The following NT5DC2 variants were observed in gnomAD, a reference collection of about 807,000 sequenced individuals.
The protein encoded by NT5DC2 is 5'-nucleotidase domain-containing protein 2.
In NT5DC2, 41 loss-of-function variants were observed where a neutral mutation model predicts 70.0. The observed-to-expected ratio is 0.59, with a 90% CI of 0.46 to 0.76. The LOEUF is 0.76. Among genes scored for constraint, NT5DC2 ranks in the 30% least tolerant of loss-of-function variants. The pLI, the probability that NT5DC2 is intolerant of heterozygous loss-of-function variation, is 0.00. For missense variants in NT5DC2, 705 were observed against 783.2 expected, an observed-to-expected ratio of 0.90 and a Z score of 1.19; for synonymous variants, 299 against 310.4, an observed-to-expected ratio of 0.96 and a Z score of 0.39.
At chr3:52,535,022 C>T (rs192847778), upstream of NT5DC2, 1 of 245,150 alleles carries the variant, frequency 4.1e-6, no homozygotes, top group East Asian at 1.3e-4. Context: ...TCAAAACCTC[C>T]TGTAGAAACG....
In NT5DC2 at chr3:52,527,834, G is replaced by A. The variant is rs753763083; in HGVS notation, c.930C>T (p.Ser310=). The A allele has an allele frequency of 6.2e-7, 1 of 1,613,210 alleles. No homozygotes were observed. Among genetic ancestry groups the A allele is most frequent in the African/African-American group, 1.3e-5 (1 of 74,942 alleles). ...QLFLITNSPF[S]FVDKGMRHMV... The stretch of plus-strand genomic sequence containing the variant: ...TCCACAGGGGCTGGACTCACACGAA[G>A]CTGAAAGGACTGTTGGTGATGAGGA... The change falls in exon 8 of 14, where the codon AGC becomes AGT. Residue 310 remains serine (S), a synonymous_variant. Transcript: ENST00000422318.
rs372278047 is a variant in NT5DC2 at position 52,529,009 on chromosome 3, G to A, written c.418-74C>T. 3.1e-6 allele frequency: 5 copies of A among 1,592,530 alleles called. No homozygotes were observed. The Admixed American group carries it at 6.7e-5, about 21-fold the overall frequency. On this transcript the variant is annotated intron_variant, in intron 2 of 13. Transcript: ENST00000422318. This position sits in a 1 kb window ranked among gnomAD's most constrained non-coding sequence, Gnocchi z 4.1. ...GCTGGCTGGGTGGCCACCCCAGGGG[G>A]TCAATCCAGCCACCTGCCCAGGGCA... is the stretch of plus-strand genomic sequence containing the variant.
chr3:52,529,194 C>T lies in NT5DC2; in HGVS notation c.373G>A (p.Glu125Lys), dbSNP rs141804495. Residue 125 changes from glutamate to lysine, a missense_variant, in exon 2 of 14, where the codon GAG becomes AAG. Glu to Lys is a moderately conservative substitution (Grantham distance 56). Transcript: ENST00000422318. The surrounding 1 kb of genome is among the most constrained non-coding windows in gnomAD (Gnocchi z 4.1). ...LAQYADALHP[E>K]IFSTARDILI... Reference sequence around the variant, plus strand: ...ATGTCACGGGCGGTACTGAAGATCTCGGGGTGCAGTGCGTCTGCATACTGG... The same window carrying T: ...ATGTCACGGGCGGTACTGAAGATCTTGGGGTGCAGTGCGTCTGCATACTGG... The T allele has an allele frequency of 1.7e-5, 27 of 1,613,938 alleles. No homozygotes were observed. The highest frequency in any genetic ancestry group is 3.3e-4 in the Middle Eastern group (2 of 6,084).
chr3:52,534,550 C>T (rs776096390), upstream of NT5DC2: 2 of 1,613,566 alleles, frequency 1.2e-6, no homozygotes, highest in South Asian at 1.1e-5. Flanking sequence ...CTCCCGGTTT[C>T]CCGGCGCACG....
intron 1 of NT5DC2, chr3:52,532,360 A>G: frequency 1.0e-6 from 1 of 985,394 alleles, no homozygotes; most frequent in Non-Finnish European, 1.2e-6. Flanking sequence ...CTTCTTAAAT[A>G]ACGCTGGGCC....
At chr3:52,527,155 C>T in intron 10 of NT5DC2, 139 bp downstream of exon 10, 1 of 753,584 alleles carries the variant, frequency 1.3e-6, no homozygotes, top group Non-Finnish European at 2.2e-6. Context: ...AGACCTGCTC[C>T]CTGCCAGCCA....
chr3:52,529,519 C>G lies in NT5DC2; in HGVS notation c.233-185G>C, dbSNP rs887414560. On this transcript the variant is annotated intron_variant, in intron 1 of 13. Transcript: ENST00000422318. The surrounding 1 kb of genome is among the most constrained non-coding windows in gnomAD (Gnocchi z 4.1). ...GAGAAGTCACTTGCCCAGGGTCACG[C>G]AGTTAGGGTAAGGCAGAGCCCCTGG... is the stretch of plus-strand genomic sequence containing the variant. 1.3e-5 allele frequency among the ~76,000 whole-genome samples: 2 copies of G among 152,092 alleles called. No individual in the cohort carries two copies. The highest frequency in any genetic ancestry group is 4.8e-5 in the African/African-American group (2 of 41,380).
Position 52,524,574 on chromosome 3 carries a change from G to T in NT5DC2, c.1570C>A (p.Pro524Thr). 1 of 1,613,152 alleles carries T rather than the reference G, an allele frequency of 6.2e-7. No homozygotes were observed. Residue 524 changes from proline (P) to threonine (T), a missense_variant, in exon 14 of 14, where the codon CCA becomes ACA. Transcript: ENST00000422318. Reference sequence around the variant, plus strand: ...TCGTGCTGCAGCGGCGTACGGCGTGGGTAGAAGGTGAAGTCCACGCGGTAG... The same window carrying T: ...TCGTGCTGCAGCGGCGTACGGCGTGTGTAGAAGGTGAAGTCCACGCGGTAG... ...LNYRVDFTFY[P>T]RRTPLQHEAP...
At position 52,524,831 on chromosome 3, in the gene NT5DC2, C is replaced by CTCTT. The variant is rs2079219088; in HGVS notation, c.1394_1397dup (p.Gln468AlafsTer38). 1.9e-6 allele frequency: 3 copies of CTCTT among 1,612,662 alleles called. No individual in the cohort carries two copies. Among genetic ancestry groups the CTCTT allele is most frequent in the South Asian group, 2.2e-5 (2 of 91,078 alleles). On this transcript the variant is annotated frameshift_variant, in exon 13 of 14. Coordinates refer to ENST00000422318, the MANE Select transcript of NT5DC2 (RefSeq NM_001134231.2). LOFTEE classifies it high-confidence loss of function. ...CACCTGCTCACCTCAGCTCCTGCCG[C>CTCTT]TCTTTCATCCAGGCAGCCAGCACCT...
At chr3:52,530,550 G>A (rs900596555) in intron 1 of NT5DC2, among the ~76,000 whole-genome samples, 4 of 152,054 alleles carry the variant, frequency 2.6e-5, no homozygotes, top group African/African-American at 9.7e-5. Context: ...TTCTAAAAGG[G>A]TACAAAAAAT....
At chr3:52,534,746 C>T, upstream of NT5DC2, 1 of 1,501,850 alleles carries the variant, frequency 6.7e-7, no homozygotes, top group Non-Finnish European at 8.9e-7. Context: ...TGGGCCCTGT[C>T]GGAGGGGAGC....
rs776456266 is a variant in NT5DC2 at position 52,527,921 on chromosome 3, GATGTACTTCTCTA to G, written c.833-3_842del. 1 of 1,613,604 alleles carries G rather than the reference GATGTACTTCTCTA, an allele frequency of 6.2e-7. No homozygotes were observed. The highest frequency in any genetic ancestry group is 2.2e-5 in the East Asian group (1 of 44,882). ...CAGCAAACGTCTCATCCCCTCTCAG[GATGTACTTCTCTA>G]ATGGGGCAGATGAGTCTGTGAGGGT... On this transcript the variant is annotated splice_acceptor_variant and splice_polypyrimidine_tract_variant and coding_sequence_variant and intron_variant, in exon 8 of 14. Transcript: ENST00000422318. LOFTEE classifies it high-confidence loss of function.
At chr3:52,528,158 C>T in intron 6 of NT5DC2, 25 bp downstream of exon 6, 1 of 1,613,004 alleles carries the variant, frequency 6.2e-7, no homozygotes, top group Non-Finnish European at 8.5e-7. Flanking sequence ...TTCCTGCCAT[C>T]CGAGGGCAGG....
chr3:52,533,877 CG>C, upstream of NT5DC2: 2 of 972,860 alleles, frequency 2.1e-6, no homozygotes, highest in Non-Finnish European at 2.4e-6. Flanking sequence ...GCGCGGAGCC[CG>C]GCCTGCCAAT....
At position 52,528,914 on chromosome 3, in the gene NT5DC2, A is replaced by T; in HGVS notation, c.439T>A (p.Tyr147Asn). ...ATGGCAAAGCTGGGGTTGTAGTCAT[A>T]CTTCCGAATCCCTTCTGGGTACTGC... ...HYKYPEGIRK[Y>N]DYNPSFAIRG... is the part of the protein sequence containing the mutation. Residue 147 changes from tyrosine (Y) to asparagine (N), a missense_variant, in exon 3 of 14, where the codon TAT (tyrosine) becomes AAT (asparagine). Physicochemically the swap from Tyr to Asn is moderately radical, Grantham distance 143. Coordinates refer to ENST00000422318, the MANE Select transcript of NT5DC2 (RefSeq NM_001134231.2). 1.2e-6 allele frequency: 2 copies of T among 1,614,036 alleles called. No individual in the cohort carries two copies. Among genetic ancestry groups the T allele is most frequent in the Non-Finnish European group, 1.7e-6 (2 of 1,180,002 alleles).
chr3:52,534,191 C>T, upstream of NT5DC2: 1 of 363,826 alleles, frequency 2.7e-6, no homozygotes, highest in Non-Finnish European at 5.2e-6. Flanking sequence ...CTCTCCGCTC[C>T]CGGGTCCGCC....
rs901457094 is a variant in NT5DC2, at chr3:52,528,488, G to A, written c.600C>T (p.Thr200=). ...DEEVIELYGG[T]QHIPLYQMSG... is the part of the protein sequence containing the mutation. Reference sequence around the variant, plus strand: ...TCATCTGGTATAGTGGGATGTGCTGGGTACCCCCATACAGCTCAATCACCT... The same window carrying A: ...TCATCTGGTATAGTGGGATGTGCTGAGTACCCCCATACAGCTCAATCACCT... The change falls in exon 5 of 14, where the codon ACC becomes ACT. Residue 200 remains threonine, a synonymous_variant. Transcript: ENST00000422318. 6.2e-7 allele frequency: 1 copy of A among 1,613,694 alleles called. No individual in the cohort carries two copies. Among genetic ancestry groups the A allele is most frequent in the Admixed American group, 1.7e-5 (1 of 60,016 alleles).
chr3:52,533,397 G>T (rs1178871919), intron 1 of NT5DC2, 109 bp downstream of exon 1: 3 of 1,206,118 alleles, frequency 2.5e-6, no homozygotes, highest in Middle Eastern at 2.9e-4. Flanking sequence ...CCGGGGCCCT[G>T]GCGAGCCCCA....
intron 10 of NT5DC2, among the ~76,000 whole-genome samples, chr3:52,526,738 C>T (rs1002038278): frequency 1.3e-5 from 2 of 152,244 alleles, no homozygotes; most frequent in African/African-American, 4.8e-5. Flanking sequence ...CAGCTCACCA[C>T]AGCCTCGAAC....
Sources: allele counts gnomAD v4.1 joint callset (sites outside exome capture counted in the v4.1 genomes callset), GRCh38; gene constraint gnomAD v4.1.1; non-coding constraint Gnocchi (gnomAD v3.1); transcripts MANE v1.5; gene names NCBI Gene and HGNC (gene_info 2026-07-23, HGNC 2026-07-21).